Variants in LRRC4C observed in about 807,000 individuals in gnomAD.
The protein encoded by LRRC4C is leucine-rich repeat-containing protein 4C.
In LRRC4C, 5 loss-of-function variants were observed where a neutral mutation model predicts 33.6. That is an observed-to-expected ratio of 0.15 (90% confidence interval 0.08 to 0.31). The LOEUF (loss-of-function observed/expected upper bound fraction) is 0.31, where lower values mean the gene tolerates loss of function less well. Among genes scored for constraint, LRRC4C ranks in the 10% least tolerant of loss-of-function variants. The pLI is 1.00. For synonymous variants in LRRC4C, 329 were observed against 302.0 expected (o/e 1.09, Z -0.93); for missense variants, 560 against 796.7 (o/e 0.70, Z 3.58).
chr11:40,990,234 TATA>T (rs1853423447), intron 1 of LRRC4C, among the ~76,000 whole-genome samples: 4 of 28,102 alleles, frequency 1.4e-4, no homozygotes, highest in Non-Finnish European at 1.5e-4. Flanking sequence ...TCAAGTTTTA[TATA>T]TATATATATA....
chr11:40,154,542 C>G (rs1391779238), intron 5 of LRRC4C, among the ~76,000 whole-genome samples: 1 of 152,050 alleles, frequency 6.6e-6, no homozygotes, highest in African/African-American at 2.4e-5. Context: ...CAAAAGTGAG[C>G]CAGGGTAGTT....
At chr11:41,090,121 G>A (rs1409247898) in intron 1 of LRRC4C, among the ~76,000 whole-genome samples, 1 of 152,078 alleles carries the variant, frequency 6.6e-6, no homozygotes, top group Non-Finnish European at 1.5e-5. Flanking sequence ...TGCAAGGAAA[G>A]CCTGATTGAC....
At chr11:40,520,058 C>A (rs911347700) in intron 3 of LRRC4C, among the ~76,000 whole-genome samples, 1 of 152,202 alleles carries the variant, frequency 6.6e-6, no homozygotes, top group Non-Finnish European at 1.5e-5. Flanking sequence ...GCACTGGCAA[C>A]TAAGTCGAAG....
intron 1 of LRRC4C, among the ~76,000 whole-genome samples, chr11:41,178,390 T>C (rs1945296549): frequency 6.6e-6 from 1 of 152,146 alleles, no homozygotes; most frequent in South Asian, 2.1e-4. Context: ...GACTGGTTCT[T>C]TGACACCCAG....
intron 2 of LRRC4C, among the ~76,000 whole-genome samples, chr11:40,749,059 G>T (rs887949559): frequency 3.9e-5 from 6 of 152,096 alleles, no homozygotes; most frequent in Admixed American, 3.3e-4. Flanking sequence ...ACGTAAGACA[G>T]ATCATCTAGA....
intron 1 of LRRC4C, among the ~76,000 whole-genome samples, chr11:41,154,497 T>C (rs1285578719): frequency 6.6e-6 from 1 of 152,136 alleles, no homozygotes; most frequent in Non-Finnish European, 1.5e-5. Context: ...CAGTTATGAG[T>C]ATGTACTCAG....
At chr11:40,158,666 A>G (rs1224231463) in intron 5 of LRRC4C, among the ~76,000 whole-genome samples, 1 of 152,040 alleles carries the variant, frequency 6.6e-6, no homozygotes, top group Non-Finnish European at 1.5e-5. Flanking sequence ...GGATTAGAAC[A>G]TTTGTACATC....
intron 1 of LRRC4C, among the ~76,000 whole-genome samples, chr11:41,444,282 C>G (rs1955749060): frequency 6.6e-6 from 1 of 152,152 alleles, no homozygotes; most frequent in Admixed American, 6.5e-5. Flanking sequence ...TGAATTCATA[C>G]AGACTTCTTT....
chr11:40,323,739 T>C (rs1183836608), intron 3 of LRRC4C, among the ~76,000 whole-genome samples: 2 of 152,198 alleles, frequency 1.3e-5, no homozygotes, highest in Non-Finnish European at 2.9e-5. Context: ...AACACTGTGC[T>C]AAAAGCAACA....
At chr11:40,658,633 A>C (rs1188005788) in intron 2 of LRRC4C, among the ~76,000 whole-genome samples, 1 of 152,180 alleles carries the variant, frequency 6.6e-6, no homozygotes, top group Non-Finnish European at 1.5e-5. Flanking sequence ...TGGGACAGGA[A>C]GATGAAGAAA....
chr11:40,758,353 C>T (rs576729875), intron 2 of LRRC4C, among the ~76,000 whole-genome samples: 57 of 152,036 alleles, frequency 3.7e-4, no homozygotes, highest in African/African-American at 1.3e-3. Flanking sequence ...ACTTGAGGGT[C>T]CTCTCCTCCT....
intron 1 of LRRC4C, among the ~76,000 whole-genome samples, chr11:41,062,702 G>T (rs1360578864): frequency 6.6e-6 from 1 of 152,156 alleles, no homozygotes; most frequent in Non-Finnish European, 1.5e-5. Context: ...CTTGGAATGT[G>T]ACATTGTTTG....
At chr11:40,340,559 A>T in intron 3 of LRRC4C, among the ~76,000 whole-genome samples, 1 of 152,320 alleles carries the variant, frequency 6.6e-6, no homozygotes, top group African/African-American at 2.4e-5. Flanking sequence ...TGATAAAAGT[A>T]ATAATAACCT....
At chr11:41,193,380 T>G (rs1312144977) in intron 1 of LRRC4C, among the ~76,000 whole-genome samples, 5 of 152,110 alleles carry the variant, frequency 3.3e-5, no homozygotes, top group African/African-American at 9.7e-5. Context: ...CACATCATAT[T>G]CTATGGGACG....
intron 1 of LRRC4C, among the ~76,000 whole-genome samples, chr11:41,243,449 C>A (rs745606276): frequency 2.0e-5 from 3 of 152,156 alleles, no homozygotes; most frequent in Non-Finnish European, 4.4e-5. Context: ...CTATTGATAA[C>A]TATTCTTCTC....
At chr11:41,244,460 A>G (rs572960312) in intron 1 of LRRC4C, among the ~76,000 whole-genome samples, 6 of 152,312 alleles carry the variant, frequency 3.9e-5, no homozygotes, top group South Asian at 4.1e-4. Flanking sequence ...AAGTGAAACA[A>G]AGAGTACATT....
intron 1 of LRRC4C, among the ~76,000 whole-genome samples, chr11:41,296,796 A>G (rs2137048273): frequency 6.6e-6 from 1 of 152,300 alleles, no homozygotes; most frequent in South Asian, 2.1e-4. Flanking sequence ...CGGAAGAAAA[A>G]TTACTTAAAA....
rs143183783 is a variant in LRRC4C at position 40,872,356 on chromosome 11, A to C, written c.-407+61279T>G. 4.6e-3 allele frequency among the ~76,000 whole-genome samples: 701 copies of C among 151,848 alleles called. 12 individuals are homozygous for C. The highest frequency in any genetic ancestry group is 0.044 in the South Asian group (212 of 4,816). ...GCAAATGTTTTATGCTTGTCAATTT[A>C]ATTCTATAATTGGGAGAACAGTTTA... On this transcript the variant is annotated intron_variant, in intron 2 of 6. Coordinates refer to ENST00000528697, the MANE Select transcript of LRRC4C (RefSeq NM_001258419.2).
chr11:41,398,552 T>C (rs1005864312), intron 1 of LRRC4C, among the ~76,000 whole-genome samples: 8 of 151,948 alleles, frequency 5.3e-5, no homozygotes, highest in Non-Finnish European at 1.2e-4. Flanking sequence ...GTTTCCCCTT[T>C]TGAAGAAGGA....
Sources: allele counts gnomAD v4.1 joint callset (sites outside exome capture counted in the v4.1 genomes callset), GRCh38; gene constraint gnomAD v4.1.1; transcripts MANE v1.5; gene names NCBI Gene and HGNC (gene_info 2026-07-23, HGNC 2026-07-21).